Variants in DGKI observed in about 807,000 individuals in gnomAD.
DGKI encodes DAG kinase iota.
In DGKI, 55 loss-of-function variants were observed where a neutral mutation model predicts 147.5. The observed-to-expected ratio is 0.37, with a 90% confidence interval of 0.30 to 0.47. The LOEUF (loss-of-function observed/expected upper bound fraction) is 0.47. Among genes scored for constraint, DGKI ranks in the 20% least tolerant of loss-of-function variants. DGKI has a pLI of 1.00. For synonymous variants in DGKI, 469 were observed against 477.1 expected, an observed-to-expected ratio of 0.98 and a Z score of 0.22; for missense variants, 1,007 against 1,323.8, an observed-to-expected ratio of 0.76 and a Z score of 3.71.
At chr7:137,421,187 A>C (rs145826256) in intron 28 of DGKI, among the ~76,000 whole-genome samples, 312 of 152,296 alleles carry the variant, frequency 2.0e-3, no homozygotes, top group Non-Finnish European at 3.1e-3. Context: ...CAGAGCACAC[A>C]TCTCACATGG....
intron 3 of DGKI, among the ~76,000 whole-genome samples, chr7:137,672,735 C>T (rs901224830): frequency 6.8e-6 from 1 of 147,428 alleles, no homozygotes; most frequent in African/African-American, 2.5e-5. Context: ...CACCACATGG[C>T]CTTCTTCTCT....
At chr7:137,706,551 CTATTTTT>C (rs1329707887) in intron 1 of DGKI, among the ~76,000 whole-genome samples, 7 of 144,354 alleles carry the variant, frequency 4.8e-5, no homozygotes, top group African/African-American at 1.6e-4. Flanking sequence ...TTTTATTTAT[CTATTTTT>C]TATTTTTTAT....
Position 137,791,644 on chromosome 7 carries a change from TG to T in DGKI, c.401+54817del, listed in dbSNP as rs1796857672. 2.0e-5 allele frequency among the ~76,000 whole-genome samples: 3 copies of T among 152,358 alleles called. No homozygotes were observed. The South Asian group carries it at 6.2e-4, about 32-fold the overall frequency. The stretch of plus-strand genomic sequence containing the variant: ...TCTCTATTCTGTTGGAGAGATGCTC[TG>T]GTAATGAACAAAAAAACCTTTTAGC... On this transcript the variant is annotated intron_variant, in intron 1 of 32. Coordinates refer to ENST00000614521, the MANE Select transcript of DGKI (RefSeq NM_001321708.2).
intron 6 of DGKI, among the ~76,000 whole-genome samples, chr7:137,635,796 C>T (rs3778784): frequency 0.055 from 8,305 of 152,234 alleles, 701 homozygotes; most frequent in African/African-American, 0.18. Context: ...TGACAAAATA[C>T]AGAAATACAG....
chr7:137,657,795 G>T (rs1401412846), intron 3 of DGKI, among the ~76,000 whole-genome samples: 1 of 152,186 alleles, frequency 6.6e-6, no homozygotes, highest in African/African-American at 2.4e-5. Flanking sequence ...CATTGCTGCG[G>T]CCAGAGATTT....
chr7:137,548,692 GCA>G (rs1817946363), intron 20 of DGKI, among the ~76,000 whole-genome samples: 1 of 152,162 alleles, frequency 6.6e-6, no homozygotes, highest in African/African-American at 2.4e-5. Flanking sequence ...CCTTAGCTGG[GCA>G]CAGTGACTCA....
At chr7:137,590,803 C>T (rs1819582380) in intron 12 of DGKI, among the ~76,000 whole-genome samples, 1 of 152,186 alleles carries the variant, frequency 6.6e-6, no homozygotes, top group Non-Finnish European at 1.5e-5. Flanking sequence ...AGCGATTCTC[C>T]AGCCTCCGCC....
chr7:137,599,067 TAA>T (rs1254604019), intron 11 of DGKI, among the ~76,000 whole-genome samples: 1 of 152,182 alleles, frequency 6.6e-6, no homozygotes, highest in Non-Finnish European at 1.5e-5. Context: ...TGTTACTTAT[TAA>T]AAAATAAGTG....
intron 27 of DGKI, among the ~76,000 whole-genome samples, chr7:137,455,457 A>C (rs1814155243): frequency 6.6e-6 from 1 of 151,944 alleles, no homozygotes; most frequent in Non-Finnish European, 1.5e-5. Context: ...TATGTACTTA[A>C]CTCTATTCCA....
At chr7:137,724,341 A>T (rs1794659119) in intron 1 of DGKI, among the ~76,000 whole-genome samples, 1 of 152,188 alleles carries the variant, frequency 6.6e-6, no homozygotes, top group African/African-American at 2.4e-5. Flanking sequence ...AGGAAATGAT[A>T]TGAACATCTT....
intron 20 of DGKI, chr7:137,545,750 T>G (rs1817842277): frequency 2.1e-6 from 1 of 475,304 alleles, no homozygotes; most frequent in South Asian, 4.4e-5. Flanking sequence ...CAGCTCCATT[T>G]CAAATCAAAG....
At chr7:137,573,420 A>G (rs1435128524) in intron 17 of DGKI, among the ~76,000 whole-genome samples, 1 of 152,184 alleles carries the variant, frequency 6.6e-6, no homozygotes, top group African/African-American at 2.4e-5. Flanking sequence ...GTTTGTTCTT[A>G]GAAACTTAAT....
intron 32 of DGKI, among the ~76,000 whole-genome samples, chr7:137,393,925 A>G (rs780176642): frequency 3.3e-5 from 5 of 152,200 alleles, no homozygotes; most frequent in Admixed American, 2.6e-4. Context: ...AATTGCACAT[A>G]GGCAGATTCT....
chr7:137,619,929 C>T lies in DGKI; in HGVS notation c.888G>A (p.Lys296=), dbSNP rs1465931050. 1.9e-6 allele frequency: 3 copies of T among 1,611,248 alleles called. No individual in the cohort carries two copies. The highest frequency in any genetic ancestry group is 3.3e-5 in the Admixed American group (2 of 59,844). ...CSWCKQAFHN[K]VTCFMLHHIE... is the part of the protein sequence containing the mutation. The stretch of plus-strand genomic sequence containing the variant: ...TGTGATGCAGCATGAAGCAGGTCAC[C>T]TTATTGTGAAACTGAAGAGAAAAAT... The change falls in exon 8 of 33, where the codon AAG becomes AAA. Residue 296 remains lysine (K), a synonymous_variant. Transcript: ENST00000614521.
intron 10 of DGKI, among the ~76,000 whole-genome samples, chr7:137,605,932 C>A (rs554865751): frequency 6.6e-6 from 1 of 152,088 alleles, no homozygotes; most frequent in South Asian, 2.1e-4. Flanking sequence ...CAGTATATTG[C>A]ACATTTCAAA....
intron 3 of DGKI, among the ~76,000 whole-genome samples, chr7:137,674,378 C>T (rs1156427616): frequency 6.6e-6 from 1 of 152,174 alleles, no homozygotes; most frequent in Non-Finnish European, 1.5e-5. Flanking sequence ...AAATATCAAT[C>T]CACATGGCAG....
At chr7:137,441,101 A>G (rs1016260929) in intron 28 of DGKI, among the ~76,000 whole-genome samples, 17 of 152,126 alleles carry the variant, frequency 1.1e-4, no homozygotes, top group African/African-American at 4.1e-4. Context: ...CTAGCGAATA[A>G]TACTATGTTT....
chr7:137,422,277 A>T (rs770581833), intron 28 of DGKI, among the ~76,000 whole-genome samples: 2 of 152,212 alleles, frequency 1.3e-5, no homozygotes, highest in Non-Finnish European at 2.9e-5. Context: ...CTGCTGTGTA[A>T]CATACATGAC....
chr7:137,784,892 C>T (rs561327695), intron 1 of DGKI, among the ~76,000 whole-genome samples: 6 of 151,412 alleles, frequency 4.0e-5, no homozygotes, highest in African/African-American at 1.5e-4. Context: ...AAACAAATCA[C>T]GATGGAAATT....
Sources: gnomAD v4.1 joint callset for allele counts (sites outside exome capture counted in the v4.1 genomes callset) on GRCh38, gnomAD v4.1.1 for gene constraint, MANE v1.5 for transcripts, NCBI Gene and HGNC (gene_info 2026-07-23, HGNC 2026-07-21) for gene names.